The following C16orf96 variants were observed in gnomAD, a reference collection of about 807,000 sequenced individuals.
C16orf96 encodes the protein chromosome 16 open reading frame 96.
Under a neutral mutation model 103.6 loss-of-function variants are expected in C16orf96, and 108 were observed. That is an observed-to-expected ratio of 1.04 (90% confidence interval 0.89 to 1.22). C16orf96 has a LOEUF of 1.22. C16orf96 is among the 50% of genes most tolerant of loss of function. The pLI is 0.00. For missense variants in C16orf96, 1,586 were observed against 1,464.2 expected, an observed-to-expected ratio of 1.08 and a Z score of -1.36; for synonymous variants, 566 against 593.5, an observed-to-expected ratio of 0.95 and a Z score of 0.67.
chr16:4,584,962 C>T (rs555707656), intron 7 of C16orf96, among the ~76,000 whole-genome samples: 39 of 152,212 alleles, frequency 2.6e-4, no homozygotes, highest in Non-Finnish European at 3.8e-4. Flanking sequence ...TTAGCCACTG[C>T]GCCCAGCCAA....
At chr16:4,564,312 A>G (rs940182590) in intron 1 of C16orf96, among the ~76,000 whole-genome samples, 1 of 152,154 alleles carries the variant, frequency 6.6e-6, no homozygotes, top group Non-Finnish European at 1.5e-5. Flanking sequence ...TTGGTTGGAT[A>G]TGTGCACGCA....
intron 3 of C16orf96, 23 bp from the exon 4 acceptor site, chr16:4,574,949 C>T: frequency 6.5e-7 from 1 of 1,549,656 alleles, no homozygotes; most frequent in South Asian, 1.2e-5. Flanking sequence ...TCACAGCCCT[C>T]ATTTTCTACC....
Position 4,571,598 on chromosome 16 carries a change from A to G in C16orf96, c.458A>G (p.His153Arg), listed in dbSNP as rs931988804. ...QTLQDLLTDL[H>R]ALQVTITALR... ...CTGCAGGACTTGCTCACTGATCTTC[A>G]TGCACTCCAGGTCACCATCACAGCC... Residue 153 changes from histidine to arginine, a missense_variant, in exon 2 of 16, where the codon CAT (histidine) becomes CGT (arginine). Physicochemically the swap from His to Arg is conservative, Grantham distance 29. Coordinates refer to ENST00000444310, the MANE Select transcript of C16orf96 (RefSeq NM_001145011.2). The G allele has an allele frequency of 6.4e-7, 1 of 1,552,224 alleles. No homozygotes were observed. Among genetic ancestry groups the G allele is most frequent in the Non-Finnish European group, 8.7e-7 (1 of 1,147,082 alleles).
At chr16:4,598,549 G>A (rs371667655) in intron 14 of C16orf96, among the ~76,000 whole-genome samples, 8 of 151,968 alleles carry the variant, frequency 5.3e-5, no homozygotes, top group Non-Finnish European at 1.0e-4. Flanking sequence ...CGCTGTGTGC[G>A]TCCTAAATGC....
chr16:4,556,530 C>T lies in C16orf96; in HGVS notation c.41C>T (p.Ala14Val), dbSNP rs1567435318. Residue 14 changes from alanine (A) to valine (V), a missense_variant, in exon 1 of 16, where the codon GCC (alanine) becomes GTC (valine). By Grantham distance (64) the Ala-to-Val change is moderately conservative. Coordinates refer to ENST00000444310, the MANE Select transcript of C16orf96 (RefSeq NM_001145011.2). ...ACGTTCACCGAGCTGGCCAACATCG[C>T]CATCCCACAGTGCGGGGTGCTGAAC... is the stretch of plus-strand genomic sequence containing the variant. ...SLTFTELANI[A>V]IPQCGVLNFK... 1 of 1,542,564 alleles carries T rather than the reference C, an allele frequency of 6.5e-7. No individual in the cohort carries two copies. The highest frequency in any genetic ancestry group is 2.5e-5 in the East Asian group (1 of 40,652).
chr16:4,589,620 G>C (rs1897010623), intron 9 of C16orf96, among the ~76,000 whole-genome samples: 1 of 151,666 alleles, frequency 6.6e-6, no homozygotes, highest in Non-Finnish European at 1.5e-5. Flanking sequence ...AAAAAAATGG[G>C]CGCAGAACAA....
At position 4,579,045 on chromosome 16, in the gene C16orf96, G is replaced by A. The variant is rs746843489; in HGVS notation, c.2241+20G>A. 1.2e-5 allele frequency: 19 copies of A among 1,548,310 alleles called. No homozygotes were observed. Among genetic ancestry groups the A allele is most frequent in the African/African-American group, 2.7e-5 (2 of 72,980 alleles). On this transcript the variant is annotated intron_variant, in intron 6 of 15. Coordinates refer to ENST00000444310, the MANE Select transcript of C16orf96 (RefSeq NM_001145011.2). ...CTCAAGGTTAGTGTCTCCGGCGAAG[G>A]GCTTTTGAGGCAGTGATGGCTTGAG...
Position 4,570,822 on chromosome 16 carries a change from T to TTTC in C16orf96, c.421-737_421-735dup, listed in dbSNP as rs554494150. 4.6e-5 allele frequency among the ~76,000 whole-genome samples: 7 copies of TTTC among 152,178 alleles called. No homozygotes were observed. The East Asian group carries it at 1.4e-3, about 29-fold the overall frequency. On this transcript the variant is annotated intron_variant, in intron 1 of 15. Coordinates refer to ENST00000444310, the MANE Select transcript of C16orf96 (RefSeq NM_001145011.2). ...GATTTCTCCCTACAGCAAGCAATAATTTCTGCAGGCAGCCTGCTTCCCCTT... is the reference window on the plus strand; with the variant it reads ...GATTTCTCCCTACAGCAAGCAATAATTTCTTCTGCAGGCAGCCTGCTTCCCCTT...
chr16:4,588,093 G>A, intron 8 of C16orf96, 74 bp from the exon 9 acceptor site: 6 of 1,437,076 alleles, frequency 4.2e-6, no homozygotes, highest in Non-Finnish European at 5.6e-6. Flanking sequence ...TCAGACCCAA[G>A]GGGTGTGATG....
intron 2 of C16orf96, among the ~76,000 whole-genome samples, chr16:4,573,660 G>A (rs1485545738): frequency 6.7e-6 from 1 of 149,322 alleles, no homozygotes; most frequent in Non-Finnish European, 1.5e-5. Context: ...GCTGAGGCAG[G>A]AGAATGGTGT....
chr16:4,591,457 A>G (rs1435628105), intron 9 of C16orf96, among the ~76,000 whole-genome samples: 1 of 150,728 alleles, frequency 6.6e-6, no homozygotes, highest in Non-Finnish European at 1.5e-5. Flanking sequence ...TAGGAAGCTC[A>G]CCTTGCAGCT....
intron 12 of C16orf96, 146 bp from the exon 13 acceptor site, chr16:4,594,205 G>A (rs1897120103): frequency 1.1e-6 from 1 of 873,078 alleles, no homozygotes; most frequent in Non-Finnish European, 1.7e-6. Flanking sequence ...CATCCGCCAG[G>A]CCCCAGGCCT....
At chr16:4,592,256 A>C (rs1897076283) in intron 10 of C16orf96, 49 bp from the exon 11 acceptor site, 3 of 1,550,092 alleles carry the variant, frequency 1.9e-6, no homozygotes, top group Non-Finnish European at 2.6e-6. Context: ...CCTCCCACAC[A>C]TGGCCTGGGC....
Position 4,556,661 on chromosome 16 carries a change from G to A in C16orf96, c.172G>A (p.Val58Met). The change falls in exon 1 of 16, where the codon GTG (valine) becomes ATG (methionine). Residue 58 changes from valine (V) to methionine (M), a missense_variant. Coordinates refer to ENST00000444310, the MANE Select transcript of C16orf96 (RefSeq NM_001145011.2). Reference protein sequence around the residue: ...GDEDFLQTSQVVIMPREGDAQ... With the variant: ...GDEDFLQTSQMVIMPREGDAQ... ...TGAGGACTTCCTGCAGACCTCGCAGGTGGTCATCATGCCCAGGGAAGGAGA... is the reference window on the plus strand; with the variant it reads ...TGAGGACTTCCTGCAGACCTCGCAGATGGTCATCATGCCCAGGGAAGGAGA... The A allele has an allele frequency of 6.4e-7, 1 of 1,551,614 alleles. No individual in the cohort carries two copies. Among genetic ancestry groups the A allele is most frequent in the Non-Finnish European group, 8.7e-7 (1 of 1,146,880 alleles).
Position 4,556,872 on chromosome 16 carries a change from G to A in C16orf96, c.383G>A (p.Arg128Gln), listed in dbSNP as rs369424349. Residue 128 changes from arginine (R) to glutamine (Q), a missense_variant, in exon 1 of 16, where the codon CGG becomes CAG. Transcript: ENST00000444310. ...GACCTGTGGCATCTGATCAAGCTCC[G>A]GAAGATGGTGGAGGGTCATGATGAA... ...VQDLWHLIKL[R>Q]KMVEGHDEVM... 1.5e-4 allele frequency: 234 copies of A among 1,550,100 alleles called. No homozygotes were observed. Among genetic ancestry groups the A allele is most frequent in the Non-Finnish European group, 1.9e-4 (217 of 1,145,962 alleles).
chr16:4,599,820 G>A (rs1250029703), intron 15 of C16orf96, among the ~76,000 whole-genome samples: 6 of 152,212 alleles, frequency 3.9e-5, no homozygotes, highest in African/African-American at 1.4e-4. Context: ...TAGTGAGCTG[G>A]GAGCTGAGCC....
At chr16:4,597,602 G>A (rs1897200802) in intron 14 of C16orf96, among the ~76,000 whole-genome samples, 2 of 151,910 alleles carry the variant, frequency 1.3e-5, no homozygotes, top group South Asian at 4.2e-4. Context: ...TGTTGCCAAG[G>A]CTGGAGTGCA....
intron 1 of C16orf96, among the ~76,000 whole-genome samples, chr16:4,568,038 A>G (rs1306963916): frequency 2.0e-5 from 3 of 151,944 alleles, no homozygotes; most frequent in Non-Finnish European, 2.9e-5. Flanking sequence ...AGCCCTGTCT[A>G]TGGGAGCCAT....
the C16orf96 span, among the ~76,000 whole-genome samples, chr16:4,543,737 T>C: frequency 6.6e-6 from 1 of 152,116 alleles, no homozygotes; most frequent in Non-Finnish European, 1.5e-5. Flanking sequence ...CTCTGCCTCT[T>C]GGCAAGCGAT....
Sources: gnomAD v4.1 joint callset for allele counts (sites outside exome capture counted in the v4.1 genomes callset) on GRCh38, gnomAD v4.1.1 for gene constraint, MANE v1.5 for transcripts, NCBI Gene and HGNC (gene_info 2026-07-23, HGNC 2026-07-21) for gene names.